The following ZDHHC18 variants were observed in gnomAD, a reference collection of about 807,000 sequenced individuals.
ZDHHC18 encodes palmitoyltransferase ZDHHC18.
ZDHHC18 carries 23 observed loss-of-function variants against 37.5 expected under a neutral mutation model. That is an observed-to-expected ratio of 0.61 (90% CI 0.44 to 0.87). The LOEUF is 0.87. Ranked by LOEUF, ZDHHC18 falls within the 40% of genes least tolerant of loss-of-function variation. The pLI, the probability that ZDHHC18 is intolerant of heterozygous loss-of-function variation, is 0.00. For missense variants in ZDHHC18, 406 were observed against 525.6 expected (o/e 0.77, Z 2.22); for synonymous variants, 185 against 218.7 (o/e 0.85, Z 1.36).
At chr1:26,834,222 G>A (rs568205633) in intron 2 of ZDHHC18, among the ~76,000 whole-genome samples, 27 of 152,328 alleles carry the variant, frequency 1.8e-4, no homozygotes, top group Non-Finnish European at 2.8e-4. Context: ...GAGCTGCGTG[G>A]ATCACAGTGA....
intron 2 of ZDHHC18, among the ~76,000 whole-genome samples, chr1:26,833,980 AG>A (rs980233851): frequency 6.6e-6 from 1 of 152,080 alleles, no homozygotes; most frequent in Non-Finnish European, 1.5e-5. Flanking sequence ...CACGCCTGCG[AG>A]GGCCACCTCC....
intron 2 of ZDHHC18, among the ~76,000 whole-genome samples, chr1:26,840,992 G>T (rs767152022): frequency 2.0e-5 from 3 of 149,974 alleles, no homozygotes; most frequent in Admixed American, 6.6e-5. Context: ...TGGGGGGAGG[G>T]GGGGACAGAG....
At chr1:26,836,471 C>G (rs1348736108) in intron 2 of ZDHHC18, among the ~76,000 whole-genome samples, 1 of 152,180 alleles carries the variant, frequency 6.6e-6, no homozygotes, top group Non-Finnish European at 1.5e-5. Context: ...ATTTGGGTGA[C>G]TCTCTGGTGC....
At chr1:26,834,580 C>G (rs1233029940) in intron 2 of ZDHHC18, among the ~76,000 whole-genome samples, 1 of 152,218 alleles carries the variant, frequency 6.6e-6, no homozygotes, top group Non-Finnish European at 1.5e-5. Context: ...TTCTCTGAAC[C>G]TGTGCTGCAA....
At chr1:26,848,844 G>A (rs1461785407) in intron 3 of ZDHHC18, 87 bp downstream of exon 3, 10 of 1,519,122 alleles carry the variant, frequency 6.6e-6, no homozygotes, top group Admixed American at 3.8e-5. Flanking sequence ...TGGGGATGGC[G>A]TGGGCAGGGT....
At chr1:26,845,616 A>T (rs1220144048) in intron 2 of ZDHHC18, among the ~76,000 whole-genome samples, 1 of 151,800 alleles carries the variant, frequency 6.6e-6, no homozygotes, top group Non-Finnish European at 1.5e-5. Context: ...TACAGGCTTG[A>T]GCCACCGCGC....
rs1234531725 is a variant in ZDHHC18 at position 26,832,695 on chromosome 1, T to C, written c.496+88T>C. 6 of 1,507,448 alleles carry C rather than the reference T, an allele frequency of 4.0e-6. No homozygotes were observed. In the Admixed American group the frequency reaches 6.0e-5, roughly 15 times the overall value. 93.4% of individuals were successfully genotyped at this position (1,507,448 alleles called of 1,614,324 possible). A position where few individuals can be genotyped will look rare whatever the true frequency, so the allele number is the denominator to read the frequency against. On this transcript the variant is annotated intron_variant, in intron 2 of 7. Coordinates refer to ENST00000374142, the MANE Select transcript of ZDHHC18 (RefSeq NM_032283.3). Reference sequence around the variant, plus strand: ...GAGGCCTGGTTTTCTCTTCCAAAACTATACTAGGAACTGGGGATGCAGTCG... The same window carrying C: ...GAGGCCTGGTTTTCTCTTCCAAAACCATACTAGGAACTGGGGATGCAGTCG...
chr1:26,856,309 C>A lies in ZDHHC18; in HGVS notation c.*2466C>A. Reference sequence around the variant, plus strand: ...CGGCCAGCACTGCCCGCTCCCCTCACACACCATCTCATCCTCATCGCATGC... The same window carrying A: ...CGGCCAGCACTGCCCGCTCCCCTCAAACACCATCTCATCCTCATCGCATGC... On this transcript the variant is annotated 3_prime_UTR_variant, in exon 8 of 8. Coordinates refer to ENST00000374142, the MANE Select transcript of ZDHHC18 (RefSeq NM_032283.3). The surrounding 1 kb of genome is among the most constrained non-coding windows in gnomAD (Gnocchi z 5.2). 2.4e-6 allele frequency: 1 copy of A among 424,066 alleles called. No individual in the cohort carries two copies. The highest frequency in any genetic ancestry group is 5.0e-6 in the Non-Finnish European group (1 of 201,700). 26.3% of individuals were successfully genotyped at this position (424,066 alleles called of 1,614,324 possible). A position where few individuals can be genotyped will look rare whatever the true frequency, so the allele number is the denominator to read the frequency against.
intron 2 of ZDHHC18, among the ~76,000 whole-genome samples, chr1:26,839,939 G>A (rs892035195): frequency 6.6e-6 from 1 of 152,204 alleles, no homozygotes; most frequent in Admixed American, 6.5e-5. Context: ...AGCCTCCTTT[G>A]TCCCAACTCT....
chr1:26,848,312 CA>C (rs2081682582), intron 2 of ZDHHC18, among the ~76,000 whole-genome samples: 1 of 149,094 alleles, frequency 6.7e-6, no homozygotes, highest in Admixed American at 6.7e-5. Context: ...GACTCTGCCT[CA>C]GGAAAAAAAA....
chr1:26,846,306 A>G (rs1458703348), intron 2 of ZDHHC18, among the ~76,000 whole-genome samples: 8 of 53,932 alleles, frequency 1.5e-4, no homozygotes, highest in South Asian at 8.5e-4. Context: ...ATATATATAT[A>G]TATATTTTTT....
intron 1 of ZDHHC18, among the ~76,000 whole-genome samples, chr1:26,828,836 C>T (rs2081571195): frequency 6.6e-6 from 1 of 152,000 alleles, no homozygotes; most frequent in Admixed American, 6.6e-5. Context: ...TTTGGAAATG[C>T]CTTTTCTAGT....
At chr1:26,829,301 C>A (rs986916310) in intron 1 of ZDHHC18, among the ~76,000 whole-genome samples, 7 of 152,148 alleles carry the variant, frequency 4.6e-5, no homozygotes, top group Non-Finnish European at 1.0e-4. Flanking sequence ...TTCTGCCTTA[C>A]TTCTCGCCCC....
chr1:26,836,658 T>C (rs916515587), intron 2 of ZDHHC18, among the ~76,000 whole-genome samples: 3 of 149,548 alleles, frequency 2.0e-5, no homozygotes, highest in Non-Finnish European at 4.4e-5. Context: ...AACCTCTGCC[T>C]CCCAGGTTCA....
At chr1:26,852,714 A>G in intron 6 of ZDHHC18, 39 bp from the exon 7 acceptor site, 1 of 1,577,426 alleles carries the variant, frequency 6.3e-7, no homozygotes, top group Non-Finnish European at 8.7e-7. Context: ...AAGTGAAGCA[A>G]AAGGAGGTAC....
intron 1 of ZDHHC18, among the ~76,000 whole-genome samples, chr1:26,830,510 CTACATAGTACAGTAACTATCTG>C (rs2081583711): frequency 6.6e-6 from 1 of 151,672 alleles, no homozygotes. Context: ...CAGTAACTAT[CTACATAGTACAGTAACTATCTG>C]TACATAGCAC....
chr1:26,841,267 C>CCACG (rs1479576834), intron 2 of ZDHHC18, among the ~76,000 whole-genome samples: 42 of 152,164 alleles, frequency 2.8e-4, no homozygotes, highest in Admixed American at 2.7e-3. Flanking sequence ...GTGTAAGCCA[C>CCACG]CACGCCCAGC....
rs568709021 is a variant in ZDHHC18 at position 26,853,034 on chromosome 1, C to T, written c.1049+169C>T. Reference sequence around the variant, plus strand: ...ATTCCATGGAGAATTGTTATTTAATCACGTGCTCATTGTAGAAAAAAAAAA... The same window carrying T: ...ATTCCATGGAGAATTGTTATTTAATTACGTGCTCATTGTAGAAAAAAAAAA... On this transcript the variant is annotated intron_variant, in intron 7 of 7. Coordinates refer to ENST00000374142, the MANE Select transcript of ZDHHC18 (RefSeq NM_032283.3). 2.4e-4 allele frequency: 142 copies of T among 591,556 alleles called. 1 individual carries two copies. The East Asian group carries it at 2.9e-3, about 12-fold the overall frequency. 36.6% of individuals were successfully genotyped at this position (591,556 alleles called of 1,614,324 possible).
chr1:26,842,914 G>C (rs1333360858), intron 2 of ZDHHC18, among the ~76,000 whole-genome samples: 3 of 152,222 alleles, frequency 2.0e-5, no homozygotes, highest in Non-Finnish European at 2.9e-5. Flanking sequence ...AGCAATGGCA[G>C]GGTGCATGGT....
Sources: allele counts gnomAD v4.1 joint callset (sites outside exome capture counted in the v4.1 genomes callset), GRCh38; gene constraint gnomAD v4.1.1; non-coding constraint Gnocchi (gnomAD v3.1); transcripts MANE v1.5; gene names NCBI Gene and HGNC (gene_info 2026-07-23, HGNC 2026-07-21).